CD36: variants seen among roughly 807,000 people sequenced by gnomAD.
CD36 encodes CD36 molecule (CD36 blood group), also known as platelet glycoprotein 4.
A neutral mutation model predicts 55.2 loss-of-function variants in CD36; 119 were observed. The ratio of observed to expected loss-of-function variants is 2.15; its 90% CI spans 1.86 to 2.51. CD36 has a LOEUF of 2.51. Ranked by LOEUF, CD36 falls within the 30% of genes most tolerant of loss-of-function variation. The probability of loss-of-function intolerance (pLI) is 0.00; values close to 1 mark genes in which losing one functional copy is unlikely to be tolerated. For missense variants in CD36, 819 were observed against 555.5 expected (o/e 1.47, Z -4.77); for synonymous variants, 186 against 193.6 (o/e 0.96, Z 0.33).
chr7:80,616,559 T>A (rs1335983710), intron 1 of CD36, among the ~76,000 whole-genome samples: 1 of 152,070 alleles, frequency 6.6e-6, no homozygotes, highest in Non-Finnish European at 1.5e-5. Context: ...AGTTATTATT[T>A]GACAAATACT....
At chr7:80,622,219 A>T (rs963127892) in intron 1 of CD36, among the ~76,000 whole-genome samples, 1 of 152,208 alleles carries the variant, frequency 6.6e-6, no homozygotes, top group African/African-American at 2.4e-5. Flanking sequence ...TCACCCTTCA[A>T]TATTCACCAT....
At chr7:80,624,413 G>A (rs1261420094) in intron 1 of CD36, among the ~76,000 whole-genome samples, 1 of 152,072 alleles carries the variant, frequency 6.6e-6, no homozygotes, top group Non-Finnish European at 1.5e-5. Flanking sequence ...ATAAGAAGTT[G>A]TATCTAAAAG....
intron 1 of CD36, among the ~76,000 whole-genome samples, chr7:80,623,246 G>T (rs1793568843): frequency 6.6e-6 from 1 of 152,090 alleles, no homozygotes. Flanking sequence ...CTTCATGAAA[G>T]TAGACTAAAA....
chr7:80,635,795 C>A (rs1437056262), upstream of CD36, among the ~76,000 whole-genome samples: 1 of 152,094 alleles, frequency 6.6e-6, no homozygotes, highest in African/African-American at 2.4e-5. Flanking sequence ...TGAATCAAAC[C>A]ATTACATATC....
chr7:80,659,094 A>G (rs983672822), intron 4 of CD36, among the ~76,000 whole-genome samples: 1 of 152,154 alleles, frequency 6.6e-6, no homozygotes, highest in African/African-American at 2.4e-5. Context: ...TCAGCATGTC[A>G]CCAAAATAGT....
At chr7:80,602,759 T>C (rs1437503403) in intron 1 of CD36, among the ~76,000 whole-genome samples, 1 of 152,116 alleles carries the variant, frequency 6.6e-6, no homozygotes, top group African/African-American at 2.4e-5. Flanking sequence ...TTCTGATAGG[T>C]TTTTAAGATT....
chr7:80,663,135 A>C lies in CD36; in HGVS notation c.575A>C (p.Tyr192Ser). Residue 192 changes from tyrosine to serine, a missense_variant, in exon 6 of 15, where the codon TAC (tyrosine) becomes TCC (serine). Tyr to Ser is a moderately radical substitution (Grantham distance 144, BLOSUM62 -2). Coordinates refer to ENST00000447544, the MANE Select transcript of CD36 (RefSeq NM_001001548.3). ...GATCCATTTTTGAGTTTGGTTCCGT[A>C]CCCTGTTACTACCACAGTTGGTCTG... is the stretch of plus-strand genomic sequence containing the variant. ...YRDPFLSLVP[Y>S]PVTTTVGLFY... 1 of 1,613,696 alleles carries C rather than the reference A, an allele frequency of 6.2e-7. No individual in the cohort carries two copies. Among genetic ancestry groups the C allele is most frequent in the Non-Finnish European group, 8.5e-7 (1 of 1,179,764 alleles).
intron 1 of CD36, among the ~76,000 whole-genome samples, chr7:80,625,805 A>G (rs1398676288): frequency 6.6e-6 from 1 of 152,184 alleles, no homozygotes; most frequent in Non-Finnish European, 1.5e-5. Context: ...GACTGTCTCT[A>G]AAGAATTGGA....
chr7:80,627,386 GA>G (rs1793799780), intron 1 of CD36, among the ~76,000 whole-genome samples: 1 of 151,724 alleles, frequency 6.6e-6, no homozygotes, highest in African/African-American at 2.4e-5. Context: ...CATTGGAACA[GA>G]AAAGCCAATT....
upstream of CD36, among the ~76,000 whole-genome samples, chr7:80,634,673 A>G (rs767430464): frequency 1.4e-4 from 22 of 152,118 alleles, no homozygotes; most frequent in Non-Finnish European, 2.8e-4. Flanking sequence ...ATATGTTGCA[A>G]TATTTGTTAC....
intron 10 of CD36, 63 bp downstream of exon 10, chr7:80,671,227 A>ACTTTACCATAATC: frequency 9.0e-7 from 1 of 1,114,056 alleles, no homozygotes; most frequent in East Asian, 2.4e-5. Context: ...TAAGATGAGA[A>ACTTTACCATAATC]CTTTACCATA....
chr7:80,674,404 GC>G (rs1798064160), intron 14 of CD36: 1 of 401,508 alleles, frequency 2.5e-6, no homozygotes, highest in South Asian at 2.7e-5. Context: ...AAGCACTTGT[GC>G]CAAAGTTGTC....
chr7:80,610,614 G>A (rs183172846), intron 1 of CD36, among the ~76,000 whole-genome samples: 138 of 151,358 alleles, frequency 9.1e-4, no homozygotes, highest in Non-Finnish European at 1.5e-3. Flanking sequence ...GCTCTGTCTC[G>A]CCCAGGCTGC....
At chr7:80,667,990 G>T (rs144202026) in intron 8 of CD36, among the ~76,000 whole-genome samples, 1 of 151,704 alleles carries the variant, frequency 6.6e-6, no homozygotes, top group African/African-American at 2.4e-5. Flanking sequence ...CTTGTGATCC[G>T]CCCCCCTCGG....
At chr7:80,622,504 G>T (rs1793525151) in intron 1 of CD36, among the ~76,000 whole-genome samples, 1 of 152,118 alleles carries the variant, frequency 6.6e-6, no homozygotes, top group Admixed American at 6.6e-5. Context: ...ATAAAAAGTG[G>T]ACACAGAAAA....
intron 6 of CD36, among the ~76,000 whole-genome samples, chr7:80,663,389 A>G (rs1378314545): frequency 6.6e-6 from 1 of 152,152 alleles, no homozygotes. Context: ...TGAAGAATAG[A>G]TTTAATAAGG....
intron 1 of CD36, among the ~76,000 whole-genome samples, chr7:80,619,648 A>G (rs1793349114): frequency 9.4e-6 from 1 of 106,436 alleles, no homozygotes; most frequent in South Asian, 4.7e-4. Context: ...CTCTGTCTCA[A>G]AACAGAAAAA....
At chr7:80,606,943 A>G (rs754498398) in intron 1 of CD36, among the ~76,000 whole-genome samples, 9 of 152,144 alleles carry the variant, frequency 5.9e-5, no homozygotes, top group Admixed American at 1.3e-4. Flanking sequence ...CAGTCTTCCA[A>G]TCTTTGTGTA....
intron 1 of CD36, among the ~76,000 whole-genome samples, chr7:80,639,019 A>G (rs1191135943): frequency 1.3e-5 from 2 of 152,046 alleles, no homozygotes; most frequent in African/African-American, 4.8e-5. Flanking sequence ...AGTGATTTAT[A>G]ATCCAATTTG....
Sources: gnomAD v4.1 joint callset for allele counts (sites outside exome capture counted in the v4.1 genomes callset) on GRCh38, gnomAD v4.1.1 for gene constraint, MANE v1.5 for transcripts, NCBI Gene and HGNC (gene_info 2026-07-23, HGNC 2026-07-21) for gene names.